CAMSAP2: variants seen among roughly 807,000 people sequenced by gnomAD.
CAMSAP2 encodes calmodulin-regulated spectrin-associated protein 2.
In CAMSAP2, 26 loss-of-function variants were observed where a neutral mutation model predicts 146.1. That is an observed-to-expected ratio of 0.18 (90% CI 0.13 to 0.25). The LOEUF (loss-of-function observed/expected upper bound fraction) is 0.25, where lower values mean the gene tolerates loss of function less well. Ranked by LOEUF, CAMSAP2 falls within the 10% of genes least tolerant of loss-of-function variation. The pLI is 1.00. For synonymous variants in CAMSAP2, 499 were observed against 596.6 expected, an observed-to-expected ratio of 0.84 and a Z score of 2.38; for missense variants, 1,381 against 1,759.3, an observed-to-expected ratio of 0.78 and a Z score of 3.85.
At chr1:200,779,350 A>G (rs1665370990) in intron 2 of CAMSAP2, among the ~76,000 whole-genome samples, 1 of 152,198 alleles carries the variant, frequency 6.6e-6, no homozygotes, top group Admixed American at 6.5e-5. Flanking sequence ...TATATATTGT[A>G]GTGACTTTTA....
intron 2 of CAMSAP2, among the ~76,000 whole-genome samples, chr1:200,769,768 A>G (rs1665063271): frequency 6.6e-6 from 1 of 152,216 alleles, no homozygotes; most frequent in Non-Finnish European, 1.5e-5. Flanking sequence ...TTAGCTGTCC[A>G]GAAGCTCCCT....
intron 4 of CAMSAP2, among the ~76,000 whole-genome samples, chr1:200,831,765 C>T (rs1392413072): frequency 6.6e-6 from 1 of 151,732 alleles, no homozygotes; most frequent in Non-Finnish European, 1.5e-5. Flanking sequence ...TTTTACCTTC[C>T]CCCTCATTTT....
chr1:200,848,228 G>A lies in CAMSAP2; in HGVS notation c.1459G>A (p.Glu487Lys). 1.2e-6 allele frequency: 2 copies of A among 1,613,742 alleles called. No homozygotes were observed. The highest frequency in any genetic ancestry group is 1.1e-5 in the South Asian group (1 of 91,036). ...INGEEEAESI[E>K]EELNIDSHSD... is the part of the protein sequence containing the mutation. Reference sequence around the variant, plus strand: ...TGGAGAAGAGGAAGCAGAGAGCATTGAAGAAGAACTTAATATAGATTCTCA... The same window carrying A: ...TGGAGAAGAGGAAGCAGAGAGCATTAAAGAAGAACTTAATATAGATTCTCA... The change falls in exon 11 of 17, where the codon GAA (glutamate) becomes AAA (lysine). Residue 487 changes from glutamate to lysine, a missense_variant. Glu to Lys is a moderately conservative substitution (Grantham distance 56). Coordinates refer to ENST00000358823, the MANE Select transcript of CAMSAP2 (RefSeq NM_203459.4).
At chr1:200,787,356 G>A (rs1665623153) in intron 2 of CAMSAP2, among the ~76,000 whole-genome samples, 1 of 152,206 alleles carries the variant, frequency 6.6e-6, no homozygotes, top group Non-Finnish European at 1.5e-5. Context: ...GAGTTGGGAA[G>A]AAGTTGATTT....
intron 2 of CAMSAP2, among the ~76,000 whole-genome samples, chr1:200,799,982 G>T (rs928905184): frequency 6.6e-6 from 1 of 152,188 alleles, no homozygotes; most frequent in East Asian, 1.9e-4. Flanking sequence ...GCGGTTTTGA[G>T]TGAGTTTCTT....
rs779660906 is a variant in CAMSAP2 at position 200,850,070 on chromosome 1, G to A, written c.3301G>A (p.Val1101Ile). ...NQPTEPPPKP[V>I]FPPTAPKNVN... ...ACCCACAGAACCCCCTCCTAAACCC[G>A]TTTTCCCACCCACTGCTCCAAAAAA... Residue 1101 changes from valine (V) to isoleucine (I), a missense_variant, in exon 11 of 17, where the codon GTT becomes ATT. Val to Ile is a conservative substitution (Grantham distance 29). This residue lies in a region of CAMSAP2 where 560 missense variants were observed against 715.9 expected (regional missense o/e 0.78). Transcript: ENST00000358823. The A allele has an allele frequency of 4.6e-5, 74 of 1,613,412 alleles. 1 individual carries two copies. In the Middle Eastern group the frequency reaches 3.0e-3, roughly 65 times the overall value.
Position 200,743,587 on chromosome 1 carries a change from G to GA in CAMSAP2, c.139+3633dup, listed in dbSNP as rs915673912. ...TAGTCAACAGAAAATTTACCAATAAGAAAAAAAAAAAAGAAGTTCATGAGG... is the reference window on the plus strand; with the variant it reads ...TAGTCAACAGAAAATTTACCAATAAGAAAAAAAAAAAAAGAAGTTCATGAGG... On this transcript the variant is annotated intron_variant, in intron 1 of 16. Transcript: ENST00000358823. 2.8e-4 allele frequency among the ~76,000 whole-genome samples: 40 copies of GA among 140,674 alleles called. 1 individual carries two copies. The highest frequency in any genetic ancestry group is 2.9e-4 in the African/African-American group (11 of 38,390). The allele number at this position is 140,674 out of a possible 152,430, so 92.3% of individuals were successfully genotyped here.
chr1:200,843,069 T>G (rs962330373), intron 7 of CAMSAP2, among the ~76,000 whole-genome samples: 11 of 152,122 alleles, frequency 7.2e-5, no homozygotes, highest in African/African-American at 2.4e-4. Flanking sequence ...AAGAACTTTC[T>G]TCCAGCATAA....
At chr1:200,800,871 ATCTC>A (rs1666017045) in intron 2 of CAMSAP2, among the ~76,000 whole-genome samples, 1 of 151,998 alleles carries the variant, frequency 6.6e-6, no homozygotes, top group Non-Finnish European at 1.5e-5. Flanking sequence ...GGTGACAAAA[ATCTC>A]TCAGTATTTG....
At chr1:200,839,608 C>A (rs965688107) in intron 6 of CAMSAP2, among the ~76,000 whole-genome samples, 1 of 152,072 alleles carries the variant, frequency 6.6e-6, no homozygotes, top group African/African-American at 2.4e-5. Flanking sequence ...GAATGGAAAA[C>A]CAAACATCAT....
rs542791119 is a variant in CAMSAP2 at position 200,829,807 on chromosome 1, G to A, written c.646-2393G>A. ...GCAGGCATAATGGTACACATTTGTGGTTTCACCTACTCAAAAGGCTGAGGT... is the reference window on the plus strand; with the variant it reads ...GCAGGCATAATGGTACACATTTGTGATTTCACCTACTCAAAAGGCTGAGGT... On this transcript the variant is annotated intron_variant, in intron 4 of 16. Coordinates refer to ENST00000358823, the MANE Select transcript of CAMSAP2 (RefSeq NM_203459.4). Among the ~76,000 whole-genome samples the A allele has an allele frequency of 3.9e-5, 6 of 152,044 alleles. No homozygotes were observed. In the South Asian group the frequency reaches 8.3e-4, roughly 21 times the overall value.
intron 2 of CAMSAP2, among the ~76,000 whole-genome samples, chr1:200,786,458 G>A (rs1332066096): frequency 6.6e-6 from 1 of 150,700 alleles, no homozygotes; most frequent in Non-Finnish European, 1.5e-5. Flanking sequence ...ATCTCAGCTC[G>A]CTGCAGCCTC....
At chr1:200,806,095 T>C (rs1252193418) in intron 2 of CAMSAP2, among the ~76,000 whole-genome samples, 2 of 152,154 alleles carry the variant, frequency 1.3e-5, no homozygotes, top group Non-Finnish European at 2.9e-5. Context: ...ACACTGAGAT[T>C]AACAGATTTT....
intron 2 of CAMSAP2, among the ~76,000 whole-genome samples, chr1:200,782,546 A>T (rs1216827099): frequency 2.6e-5 from 4 of 152,122 alleles, no homozygotes; most frequent in Non-Finnish European, 4.4e-5. Context: ...TTTCATATAG[A>T]TGAAAGCAAA....
At chr1:200,851,287 G>A (rs959575692) in intron 11 of CAMSAP2, among the ~76,000 whole-genome samples, 2 of 152,140 alleles carry the variant, frequency 1.3e-5, no homozygotes, top group Admixed American at 1.3e-4. Flanking sequence ...CACAACCTCC[G>A]CCTCCTGGGT....
At chr1:200,820,687 A>G (rs960646240) in intron 4 of CAMSAP2, among the ~76,000 whole-genome samples, 12 of 152,210 alleles carry the variant, frequency 7.9e-5, no homozygotes, top group Non-Finnish European at 1.5e-4. Flanking sequence ...TTCTTCAAAT[A>G]GTACTATTTG....
intron 9 of CAMSAP2, 54 bp downstream of exon 9, chr1:200,847,346 A>T (rs1667484133): frequency 8.1e-7 from 1 of 1,235,166 alleles, no homozygotes; most frequent in African/African-American, 1.5e-5. Flanking sequence ...GTTACCTGGG[A>T]AATGATTGAC....
chr1:200,789,431 A>G (rs542201470), intron 2 of CAMSAP2, among the ~76,000 whole-genome samples: 2 of 151,992 alleles, frequency 1.3e-5, no homozygotes, highest in East Asian at 3.9e-4. Context: ...TGTTAAAAAG[A>G]CTGTCTTTCT....
At position 200,849,768 on chromosome 1, in the gene CAMSAP2, G is replaced by A; in HGVS notation, c.2999G>A (p.Ser1000Asn). ...RTLTPPRSVD[S>N]LPRLRRFSPS... ...TTGACACCTCCTCGGTCTGTGGATA[G>A]CCTTCCTCGGTTAAGGAGGTTTTCA... The change falls in exon 11 of 17, where the codon AGC becomes AAC. Residue 1000 changes from serine (S) to asparagine (N), a missense_variant. Ser to Asn is a conservative substitution (Grantham distance 46). Transcript: ENST00000358823. The surrounding 1 kb of genome is among the most constrained non-coding windows in gnomAD (Gnocchi z 6.3). 2 of 1,614,172 alleles carry A rather than the reference G, an allele frequency of 1.2e-6. No individual in the cohort carries two copies. The highest frequency in any genetic ancestry group is 1.1e-5 in the South Asian group (1 of 91,084).
Sources: gnomAD v4.1 joint callset for allele counts (sites outside exome capture counted in the v4.1 genomes callset) on GRCh38, gnomAD v4.1.1 for gene constraint, gnomAD v4.1.1 regional missense constraint, Gnocchi (gnomAD v3.1) non-coding constraint, MANE v1.5 for transcripts, NCBI Gene and HGNC (gene_info 2026-07-23, HGNC 2026-07-21) for gene names.